TRIM5: variants seen among roughly 807,000 people sequenced by gnomAD.
The protein encoded by TRIM5 is tripartite motif-containing protein 5.
Under a neutral mutation model 35.6 loss-of-function variants are expected in TRIM5, and 31 were observed. The ratio of observed to expected loss-of-function variants is 0.87; its 90% confidence interval spans 0.65 to 1.18. The LOEUF is 1.18. Among genes scored for constraint, TRIM5 ranks in the 50% most tolerant of loss-of-function variants. TRIM5 has a pLI of 0.00. For synonymous variants in TRIM5, 243 were observed against 215.6 expected (o/e 1.13, Z -1.11); for missense variants, 609 against 591.6 (o/e 1.03, Z -0.31).
the TRIM5 span, among the ~76,000 whole-genome samples, chr11:5,620,404 C>A: frequency 6.6e-6 from 1 of 151,188 alleles, no homozygotes; most frequent in Non-Finnish European, 1.5e-5. Context: ...GTCTCGAATT[C>A]CTTGGCCAGA....
chr11:5,598,569 C>T, the TRIM5 span, among the ~76,000 whole-genome samples: 1 of 152,078 alleles, frequency 6.6e-6, no homozygotes, highest in African/African-American at 2.4e-5. Flanking sequence ...ATGCAAAATA[C>T]AATTAGGACA....
the TRIM5 span, among the ~76,000 whole-genome samples, chr11:5,621,635 G>C: frequency 6.6e-6 from 1 of 152,162 alleles, no homozygotes; most frequent in African/African-American, 2.4e-5. Context: ...AATAAATCTT[G>C]GAGCTTCAAA....
At chr11:5,600,675 G>A in the TRIM5 span, among the ~76,000 whole-genome samples, 1 of 131,534 alleles carries the variant, frequency 7.6e-6, no homozygotes, top group African/African-American at 2.9e-5. Flanking sequence ...ACAGGGCCTT[G>A]TGTTGAGGCC....
chr11:5,632,889 T>C, the TRIM5 span: 4 of 1,217,576 alleles, frequency 3.3e-6, no homozygotes, highest in South Asian at 8.2e-5. Flanking sequence ...TGCAGTGGCG[T>C]GCTCTCGGCT....
the TRIM5 span, among the ~76,000 whole-genome samples, chr11:5,620,761 G>C: frequency 7.9e-5 from 12 of 152,256 alleles, no homozygotes; most frequent in African/African-American, 2.6e-4. Flanking sequence ...CTCCAGATTA[G>C]CTTCTTCTTT....
At chr11:5,610,972 C>T in the TRIM5 span, 3 of 1,614,120 alleles carry the variant, frequency 1.9e-6, no homozygotes, top group African/African-American at 2.7e-5. Context: ...AAGAAGACTG[C>T]CTGGATCCTG....
chr11:5,665,813 A>G (rs1166170342), intron 6 of TRIM5, 131 bp from the exon 7 acceptor site: 2 of 1,380,144 alleles, frequency 1.4e-6, no homozygotes, highest in Non-Finnish European at 1.9e-6. Flanking sequence ...TGATGAGATG[A>G]AACAGCCACC....
At chr11:5,630,598 T>G in the TRIM5 span, among the ~76,000 whole-genome samples, 1 of 152,254 alleles carries the variant, frequency 6.6e-6, no homozygotes, top group South Asian at 2.1e-4. Flanking sequence ...CCATGATTCC[T>G]TCTGCCTAAA....
At chr11:5,660,070 G>A (rs897837821), downstream of TRIM5, among the ~76,000 whole-genome samples, 13 of 151,930 alleles carry the variant, frequency 8.6e-5, no homozygotes, top group Admixed American at 8.5e-4. Flanking sequence ...TCTGCCTCCT[G>A]GGTTCAAGCG....
the TRIM5 span, chr11:5,596,666 A>G: frequency 0.083 from 46,282 of 559,980 alleles, 2,497 homozygotes; most frequent in African/African-American, 0.17. Context: ...GCCTTCCGCA[A>G]ACTCCTGACC....
chr11:5,647,594 C>T, the TRIM5 span, among the ~76,000 whole-genome samples: 1 of 152,136 alleles, frequency 6.6e-6, no homozygotes, highest in South Asian at 2.1e-4. Flanking sequence ...GCAATCTTGG[C>T]TCACTGCAAC....
the TRIM5 span, among the ~76,000 whole-genome samples, chr11:5,604,300 C>T: frequency 1.3e-5 from 2 of 152,232 alleles, no homozygotes; most frequent in African/African-American, 4.8e-5. Flanking sequence ...AGGCGTGAGC[C>T]ACAGGTGCTT....
chr11:5,655,526 T>C, the TRIM5 span: 1 of 539,400 alleles, frequency 1.9e-6, no homozygotes, highest in East Asian at 1.5e-4. Flanking sequence ...TATTAGTCTA[T>C]GGGTAACAAA....
intron 4 of TRIM5, among the ~76,000 whole-genome samples, chr11:5,674,581 A>C (rs904965510): frequency 1.3e-5 from 2 of 152,060 alleles, no homozygotes; most frequent in South Asian, 4.1e-4. Context: ...AAGACACCAG[A>C]CTCCAGACTG....
At chr11:5,657,665 T>TA in the TRIM5 span, among the ~76,000 whole-genome samples, 7 of 99,054 alleles carry the variant, frequency 7.1e-5, no homozygotes, top group African/African-American at 3.0e-4. Flanking sequence ...ATAATATATA[T>TA]TTATAATATA....
chr11:5,622,675 A>G, the TRIM5 span, among the ~76,000 whole-genome samples: 1 of 152,198 alleles, frequency 6.6e-6, no homozygotes, highest in Non-Finnish European at 1.5e-5. Flanking sequence ...AACAAAATGA[A>G]TGATGAAAAA....
the TRIM5 span, among the ~76,000 whole-genome samples, chr11:5,609,497 CT>C: frequency 6.6e-6 from 1 of 152,084 alleles, no homozygotes; most frequent in Non-Finnish European, 1.5e-5. Context: ...TATTTTATAT[CT>C]TTTTTTAGAG....
the TRIM5 span, among the ~76,000 whole-genome samples, chr11:5,635,545 C>T: frequency 7.2e-5 from 11 of 152,140 alleles, no homozygotes; most frequent in Admixed American, 2.0e-4. Context: ...CCTGACCCAC[C>T]GCACCCAGCC....
the TRIM5 span, chr11:5,605,697 T>A: frequency 9.0e-7 from 1 of 1,112,586 alleles, no homozygotes; most frequent in Non-Finnish European, 1.2e-6. Context: ...CTATAGTGCC[T>A]ATCCCCTATT....
Sources: allele counts gnomAD v4.1 joint callset (sites outside exome capture counted in the v4.1 genomes callset), GRCh38; gene constraint gnomAD v4.1.1; transcripts MANE v1.5; gene names NCBI Gene and HGNC (gene_info 2026-07-23, HGNC 2026-07-21).